Variants in FSTL4 observed in about 807,000 individuals in gnomAD.
FSTL4 encodes the protein follistatin-related protein 4.
In FSTL4, 28 loss-of-function variants were observed where a neutral mutation model predicts 78.2. The ratio of observed to expected loss-of-function variants is 0.36; its 90% CI spans 0.27 to 0.49. The LOEUF (loss-of-function observed/expected upper bound fraction) is 0.49. Ranked by LOEUF, FSTL4 falls within the 20% of genes least tolerant of loss-of-function variation. The pLI is 0.98. For missense variants in FSTL4, 922 were observed against 1,084.9 expected (o/e 0.85, Z 2.11); for synonymous variants, 422 against 440.5 (o/e 0.96, Z 0.53).
chr5:133,679,892 C>T, the FSTL4 span, among the ~76,000 whole-genome samples: 1 of 152,128 alleles, frequency 6.6e-6, no homozygotes, highest in East Asian at 1.9e-4. Flanking sequence ...TTCCCTCCAA[C>T]CAGGTAGCTT....
chr5:133,311,691 C>T (rs188702752), intron 6 of FSTL4, among the ~76,000 whole-genome samples: 1 of 152,298 alleles, frequency 6.6e-6, no homozygotes, highest in East Asian at 1.9e-4. Flanking sequence ...GGGAGGATAC[C>T]AGGCTCTGTG....
chr5:133,228,675 G>A (rs1342615761), intron 8 of FSTL4, among the ~76,000 whole-genome samples: 1 of 152,026 alleles, frequency 6.6e-6, no homozygotes, highest in African/African-American at 2.4e-5. Flanking sequence ...ACACTAGAAG[G>A]GCCTTTGAAA....
intron 3 of FSTL4, among the ~76,000 whole-genome samples, chr5:133,556,790 C>T (rs1486311536): frequency 3.9e-5 from 6 of 152,118 alleles, no homozygotes. Context: ...CTCCACCAAC[C>T]CCTTCCCAAG....
chr5:133,724,416 C>T, the FSTL4 span, among the ~76,000 whole-genome samples: 12 of 134,506 alleles, frequency 8.9e-5, no homozygotes, highest in East Asian at 2.6e-3. Flanking sequence ...TCTACTGCTT[C>T]TTTGCTGTTC....
intron 13 of FSTL4, among the ~76,000 whole-genome samples, chr5:133,211,465 A>C (rs1750710647): frequency 6.6e-6 from 1 of 152,074 alleles, no homozygotes; most frequent in Non-Finnish European, 1.5e-5. Context: ...TCCCCACCTC[A>C]GCCACCTTAT....
chr5:133,202,179 G>C (rs1750344450), intron 14 of FSTL4, 137 bp from the exon 15 acceptor site: 1 of 549,574 alleles, frequency 1.8e-6, no homozygotes, highest in Non-Finnish European at 3.3e-6. Flanking sequence ...TCAATCTCAG[G>C]GAAGAGGCAG....
chr5:133,601,674 T>C (rs1760872540), intron 2 of FSTL4, among the ~76,000 whole-genome samples: 1 of 149,932 alleles, frequency 6.7e-6, no homozygotes, highest in African/African-American at 2.5e-5. Flanking sequence ...AGTTTTTTCT[T>C]TTTCTTTCTT....
the FSTL4 span, among the ~76,000 whole-genome samples, chr5:133,675,519 AG>A: frequency 1.3e-5 from 2 of 152,176 alleles, no homozygotes; most frequent in Non-Finnish European, 2.9e-5. Flanking sequence ...CAGTGCCCAC[AG>A]GGGTGTTTAT....
At chr5:133,639,665 G>A in the FSTL4 span, among the ~76,000 whole-genome samples, 1 of 152,232 alleles carries the variant, frequency 6.6e-6, no homozygotes, top group Non-Finnish European at 1.5e-5. Context: ...CCCATGGTGG[G>A]CAGGGAAGGG....
chr5:133,681,735 T>C, the FSTL4 span, among the ~76,000 whole-genome samples: 1 of 152,070 alleles, frequency 6.6e-6, no homozygotes, highest in Non-Finnish European at 1.5e-5. Context: ...TGGTGGAAGC[T>C]CTGTGTGATG....
intron 3 of FSTL4, among the ~76,000 whole-genome samples, chr5:133,554,502 A>G (rs1399792726): frequency 1.3e-5 from 2 of 152,232 alleles, no homozygotes; most frequent in Non-Finnish European, 2.9e-5. Flanking sequence ...AGGACTCTCC[A>G]AAGTGAAATT....
At chr5:133,666,898 T>C in the FSTL4 span, among the ~76,000 whole-genome samples, 1 of 152,234 alleles carries the variant, frequency 6.6e-6, no homozygotes. Context: ...GATCATTATT[T>C]CCCTGGTATC....
At chr5:133,447,476 C>T (rs1002151347) in intron 3 of FSTL4, among the ~76,000 whole-genome samples, 3 of 152,100 alleles carry the variant, frequency 2.0e-5, no homozygotes, top group Non-Finnish European at 4.4e-5. Context: ...TCCTGCAGCT[C>T]GAATTCCATA....
intron 6 of FSTL4, among the ~76,000 whole-genome samples, chr5:133,264,195 C>A (rs11949143): frequency 6.6e-6 from 1 of 152,116 alleles, no homozygotes; most frequent in African/African-American, 2.4e-5. Context: ...GCTCCAAATA[C>A]CAATAGTGGC....
the FSTL4 span, among the ~76,000 whole-genome samples, chr5:133,633,433 C>G: frequency 2.9e-3 from 437 of 152,242 alleles, 2 homozygotes; most frequent in African/African-American, 0.01. Flanking sequence ...TTTATTTGTT[C>G]CTGTATCTTT....
At chr5:133,366,738 G>A (rs1212912261) in intron 4 of FSTL4, among the ~76,000 whole-genome samples, 1 of 151,480 alleles carries the variant, frequency 6.6e-6, no homozygotes. Context: ...GAACATCAAC[G>A]GACCAATCCA....
intron 1 of FSTL4, among the ~76,000 whole-genome samples, chr5:133,610,819 G>C (rs558213879): frequency 3.3e-5 from 5 of 152,312 alleles, no homozygotes; most frequent in Non-Finnish European, 7.3e-5. Flanking sequence ...AATAACTTAG[G>C]ACTTTCAAGA....
chr5:133,332,982 G>A (rs1754381606), intron 4 of FSTL4, among the ~76,000 whole-genome samples: 2 of 152,136 alleles, frequency 1.3e-5, no homozygotes, highest in South Asian at 4.1e-4. Context: ...GTCCTTGCAC[G>A]TGCAGGTGTC....
At chr5:133,326,141 A>G (rs569436382) in intron 4 of FSTL4, among the ~76,000 whole-genome samples, 1 of 152,376 alleles carries the variant, frequency 6.6e-6, no homozygotes, top group South Asian at 2.1e-4. Flanking sequence ...TTAGCTTAAG[A>G]GGAACAGATG....
Sources: gnomAD v4.1 joint callset for allele counts (sites outside exome capture counted in the v4.1 genomes callset) on GRCh38, gnomAD v4.1.1 for gene constraint, MANE v1.5 for transcripts, NCBI Gene and HGNC (gene_info 2026-07-23, HGNC 2026-07-21) for gene names.